NKAIN2: variants seen among roughly 807,000 people sequenced by gnomAD.
NKAIN2 encodes the protein sodium/potassium-transporting ATPase subunit beta-1-interacting protein 2.
In NKAIN2, 14 loss-of-function variants were observed where a neutral mutation model predicts 32.6. The observed-to-expected ratio is 0.43, with a 90% CI of 0.28 to 0.67. NKAIN2 has a LOEUF of 0.67. Ranked by LOEUF, NKAIN2 falls within the 30% of genes least tolerant of loss-of-function variation. The pLI, the probability that NKAIN2 is intolerant of heterozygous loss-of-function variation, is 0.17. For missense variants in NKAIN2, 198 were observed against 258.3 expected (o/e 0.77, Z 1.60); for synonymous variants, 80 against 87.2 (o/e 0.92, Z 0.46).
At chr6:124,577,814 A>G (rs1239628856) in intron 3 of NKAIN2, among the ~76,000 whole-genome samples, 1 of 152,066 alleles carries the variant, frequency 6.6e-6, no homozygotes, top group African/African-American at 2.4e-5. Context: ...CCTCTCCTTG[A>G]GGAGAGGACA....
chr6:124,122,483 T>A (rs1328731928), intron 1 of NKAIN2, among the ~76,000 whole-genome samples: 1 of 152,106 alleles, frequency 6.6e-6, no homozygotes, highest in Non-Finnish European at 1.5e-5. Flanking sequence ...GGAAATTTAT[T>A]GTCATATAAA....
intron 2 of NKAIN2, among the ~76,000 whole-genome samples, chr6:124,332,797 C>A (rs949027119): frequency 6.6e-6 from 1 of 152,140 alleles, no homozygotes; most frequent in Non-Finnish European, 1.5e-5. Flanking sequence ...TGCCCATGGG[C>A]ACTGCAGCTA....
intron 1 of NKAIN2, among the ~76,000 whole-genome samples, chr6:124,041,532 C>A (rs542357916): frequency 6.6e-6 from 1 of 151,884 alleles, no homozygotes; most frequent in Non-Finnish European, 1.5e-5. Flanking sequence ...ATATATTAGT[C>A]TCATGCTAGC....
At chr6:124,705,342 AAG>A (rs1417491899) in intron 4 of NKAIN2, among the ~76,000 whole-genome samples, 2 of 152,112 alleles carry the variant, frequency 1.3e-5, no homozygotes, top group Non-Finnish European at 2.9e-5. Context: ...AGATAAAAAT[AAG>A]AGAGGAATAA....
chr6:124,012,828 C>T (rs759909951), intron 1 of NKAIN2, among the ~76,000 whole-genome samples: 7 of 151,986 alleles, frequency 4.6e-5, no homozygotes, highest in Non-Finnish European at 1.0e-4. Context: ...ATGTTGCTTT[C>T]CTTTCTCTAA....
chr6:124,781,281 CT>C (rs1319235462), intron 4 of NKAIN2, among the ~76,000 whole-genome samples: 2 of 152,086 alleles, frequency 1.3e-5, no homozygotes, highest in Non-Finnish European at 2.9e-5. Context: ...CACTATATAA[CT>C]TCTCTAAGCC....
At chr6:124,260,467 G>A (rs890957375) in intron 1 of NKAIN2, among the ~76,000 whole-genome samples, 1 of 152,158 alleles carries the variant, frequency 6.6e-6, no homozygotes, top group African/African-American at 2.4e-5. Context: ...ACAGGTGTCA[G>A]GGAAAAGAGA....
In NKAIN2 at chr6:124,690,202, G is replaced by A. The variant is rs562231567; in HGVS notation, c.474+31816G>A. Among the ~76,000 whole-genome samples, 6 of 151,940 alleles carry A rather than the reference G, an allele frequency of 3.9e-5. No individual in the cohort carries two copies. In the South Asian group the frequency reaches 1.3e-3, roughly 32 times the overall value. ...TTATTCCTATGTATTTCATTTTTGT[G>A]GTGCCAATGTGAATACTATTGTGCT... On this transcript the variant is annotated intron_variant, in intron 4 of 6. Coordinates refer to ENST00000368417, the MANE Select transcript of NKAIN2 (RefSeq NM_001040214.3).
chr6:124,734,061 G>GCACACACACA (rs61526747), intron 4 of NKAIN2, among the ~76,000 whole-genome samples: 2,980 of 145,280 alleles, frequency 0.021, 69 homozygotes, highest in Admixed American at 0.066. Context: ...ATGAGGAAAT[G>GCACACACACA]CACACACACA....
chr6:124,734,981 C>T (rs1776865568), intron 4 of NKAIN2, among the ~76,000 whole-genome samples: 1 of 151,836 alleles, frequency 6.6e-6, no homozygotes, highest in Non-Finnish European at 1.5e-5. Context: ...GCCTTCTCTA[C>T]TGCTCTAGAA....
intron 3 of NKAIN2, among the ~76,000 whole-genome samples, chr6:124,591,546 T>C (rs1267033887): frequency 6.6e-6 from 1 of 152,114 alleles, no homozygotes; most frequent in African/African-American, 2.4e-5. Context: ...TCCATTTCAA[T>C]ACTTGCCACT....
At chr6:124,332,636 C>A (rs1245732461) in intron 2 of NKAIN2, among the ~76,000 whole-genome samples, 2 of 151,900 alleles carry the variant, frequency 1.3e-5, no homozygotes, top group Non-Finnish European at 2.9e-5. Flanking sequence ...TTAAAGAATT[C>A]TTGTATAATG....
Position 124,799,200 on chromosome 6 carries a change from C to T in NKAIN2, c.535+7801C>T, listed in dbSNP as rs117887307. Among the ~76,000 whole-genome samples the T allele has an allele frequency of 5.0e-3, 758 of 152,304 alleles. 9 individuals carry two copies. Among genetic ancestry groups the T allele is most frequent in the Non-Finnish European group, 6.8e-3 (462 of 68,032 alleles). ...TCCTCCTGTCAATCAAATTCAAGTT[C>T]CTATTAGTGACCACAGCATTCTCCA... is the stretch of plus-strand genomic sequence containing the variant. On this transcript the variant is annotated intron_variant, in intron 5 of 6. Transcript: ENST00000368417.
intron 2 of NKAIN2, among the ~76,000 whole-genome samples, chr6:124,304,927 G>C (rs1796448809): frequency 6.6e-6 from 1 of 151,970 alleles, no homozygotes; most frequent in Admixed American, 6.6e-5. Context: ...AAAAAAGTCT[G>C]TAATTGCCTT....
intron 3 of NKAIN2, among the ~76,000 whole-genome samples, chr6:124,587,651 G>A (rs1203801759): frequency 4.6e-5 from 7 of 152,168 alleles, no homozygotes. Context: ...CCATATCTAA[G>A]CTTACTGCAT....
intron 1 of NKAIN2, among the ~76,000 whole-genome samples, chr6:124,223,615 T>TA (rs1370011241): frequency 1.3e-5 from 2 of 152,232 alleles, no homozygotes; most frequent in Non-Finnish European, 2.9e-5. Flanking sequence ...TAAAGAGACT[T>TA]AAAATCTCCA....
chr6:124,419,114 C>T (rs1192531272), intron 3 of NKAIN2, among the ~76,000 whole-genome samples: 2 of 152,132 alleles, frequency 1.3e-5, no homozygotes, highest in African/African-American at 4.8e-5. Context: ...GCCTCCACTT[C>T]TAAGCATCTG....
Position 124,563,196 on chromosome 6 carries a change from G to A in NKAIN2, c.274-94990G>A, listed in dbSNP as rs376986584. Among the ~76,000 whole-genome samples the A allele has an allele frequency of 1.7e-3, 253 of 151,958 alleles. 2 individuals are homozygous for A. In the South Asian group the frequency reaches 0.021, roughly 13 times the overall value. On this transcript the variant is annotated intron_variant, in intron 3 of 6. Transcript: ENST00000368417. ...TGGGATTACAGGCGTGAGCCACTGC[G>A]CCCGGCCAAAAATAGTTTTGCATAG...
intron 4 of NKAIN2, among the ~76,000 whole-genome samples, chr6:124,661,261 A>G (rs1784735704): frequency 1.3e-5 from 2 of 152,156 alleles, no homozygotes; most frequent in Admixed American, 1.3e-4. Flanking sequence ...AAGTCAGCTG[A>G]ACTCTCACTC....
Sources: allele counts gnomAD v4.1 joint callset (sites outside exome capture counted in the v4.1 genomes callset), GRCh38; gene constraint gnomAD v4.1.1; transcripts MANE v1.5; gene names NCBI Gene and HGNC (gene_info 2026-07-23, HGNC 2026-07-21).